The following GPC6 variants were observed in gnomAD, a reference collection of about 807,000 sequenced individuals.
GPC6 encodes the protein glypican-6.
In GPC6, 14 loss-of-function variants were observed where a neutral mutation model predicts 55.2. The observed-to-expected ratio is 0.25, with a 90% confidence interval of 0.17 to 0.40. The LOEUF (loss-of-function observed/expected upper bound fraction) is 0.40, where lower values mean the gene tolerates loss of function less well. Ranked by LOEUF, GPC6 falls within the 10% of genes least tolerant of loss-of-function variation. The pLI, the probability that GPC6 is intolerant of heterozygous loss-of-function variation, is 1.00. For missense variants in GPC6, 641 were observed against 708.5 expected, an observed-to-expected ratio of 0.90 and a Z score of 1.08; for synonymous variants, 278 against 259.6, an observed-to-expected ratio of 1.07 and a Z score of -0.68.
At chr13:94,278,794 T>C (rs992388250) in intron 4 of GPC6, among the ~76,000 whole-genome samples, 9 of 152,204 alleles carry the variant, frequency 5.9e-5, no homozygotes, top group African/African-American at 1.9e-4. Flanking sequence ...GCTGACTTGA[T>C]TGTGGTGGAT....
At chr13:93,712,370 G>A (rs1883098863) in intron 2 of GPC6, among the ~76,000 whole-genome samples, 1 of 151,648 alleles carries the variant, frequency 6.6e-6, no homozygotes, top group South Asian at 2.1e-4. Flanking sequence ...AATAGACCAA[G>A]TTAATGAAAT....
chr13:93,438,493 T>A (rs2139284724), intron 1 of GPC6, among the ~76,000 whole-genome samples: 1 of 152,224 alleles, frequency 6.6e-6, no homozygotes, highest in African/African-American at 2.4e-5. Context: ...CATGGATGAC[T>A]TAGGCGTTCA....
At chr13:93,445,918 G>A (rs1877979886) in intron 1 of GPC6, among the ~76,000 whole-genome samples, 1 of 152,158 alleles carries the variant, frequency 6.6e-6, no homozygotes, top group African/African-American at 2.4e-5. Context: ...AATTTCCACT[G>A]GGCTTTGAGA....
At chr13:93,409,918 G>C (rs1876433598) in intron 1 of GPC6, among the ~76,000 whole-genome samples, 1 of 152,174 alleles carries the variant, frequency 6.6e-6, no homozygotes, top group Non-Finnish European at 1.5e-5. Context: ...TCATTTCCAA[G>C]ACCTAGCCTA....
chr13:94,207,571 T>C (rs965300015), intron 4 of GPC6, among the ~76,000 whole-genome samples: 15 of 152,314 alleles, frequency 9.8e-5, no homozygotes, highest in Admixed American at 5.9e-4. Context: ...GCAATAGATA[T>C]CATCTCCAAA....
At chr13:93,286,768 C>A (rs904911934) in intron 1 of GPC6, among the ~76,000 whole-genome samples, 1 of 152,076 alleles carries the variant, frequency 6.6e-6, no homozygotes, top group Non-Finnish European at 1.5e-5. Context: ...TAGGGAGTGG[C>A]GGTGAAAGTG....
intron 2 of GPC6, among the ~76,000 whole-genome samples, chr13:93,757,117 A>G (rs77819723): frequency 9.2e-5 from 14 of 152,112 alleles, no homozygotes; most frequent in Non-Finnish European, 1.9e-4. Flanking sequence ...AATTCCCCAC[A>G]TGGAAATTAA....
chr13:94,081,524 C>T (rs769376582), intron 4 of GPC6, among the ~76,000 whole-genome samples: 1 of 152,048 alleles, frequency 6.6e-6, no homozygotes, highest in Non-Finnish European at 1.5e-5. Context: ...AAGAAATGGA[C>T]ACAGGAGAGA....
chr13:94,379,325 C>T lies in GPC6; in HGVS notation c.1153-3089C>T, dbSNP rs573393764. 2.8e-4 allele frequency among the ~76,000 whole-genome samples: 42 copies of T among 152,256 alleles called. 1 individual carries two copies. The South Asian group carries it at 7.0e-3, about 26-fold the overall frequency. On this transcript the variant is annotated intron_variant, in intron 6 of 8. Coordinates refer to ENST00000377047, the MANE Select transcript of GPC6 (RefSeq NM_005708.5). ...CTGCAGGTGAATTGGCCAGTGTTTCCGTGCAGAATGTTAAAACGGCATCTA... is the reference window on the plus strand; with the variant it reads ...CTGCAGGTGAATTGGCCAGTGTTTCTGTGCAGAATGTTAAAACGGCATCTA...
chr13:93,859,649 A>C lies in GPC6; in HGVS notation c.711+29104A>C, dbSNP rs189072663. Among the ~76,000 whole-genome samples the C allele has an allele frequency of 4.0e-5, 6 of 151,472 alleles. 1 individual carries two copies. The East Asian group carries it at 1.2e-3, about 30-fold the overall frequency. ...CGCATCAGTAGTTTTCCCTTTGTAC[A>C]TATCTTTTTTGGGGAGAGCGGGGAG... On this transcript the variant is annotated intron_variant, in intron 3 of 8. Transcript: ENST00000377047.
At chr13:93,803,985 T>G (rs1356416697) in intron 2 of GPC6, among the ~76,000 whole-genome samples, 1 of 152,134 alleles carries the variant, frequency 6.6e-6, no homozygotes, top group East Asian at 1.9e-4. Context: ...TAAAATTGAT[T>G]GTTGTGATGG....
chr13:93,767,215 A>G (rs1885153579), intron 2 of GPC6, among the ~76,000 whole-genome samples: 1 of 152,162 alleles, frequency 6.6e-6, no homozygotes, highest in South Asian at 2.1e-4. Flanking sequence ...TGCTTATCAG[A>G]ACAGAAGCAG....
chr13:93,626,383 A>G (rs1305747116), intron 2 of GPC6, among the ~76,000 whole-genome samples: 1 of 152,158 alleles, frequency 6.6e-6, no homozygotes, highest in Non-Finnish European at 1.5e-5. Flanking sequence ...CTCTCCCTCA[A>G]ACATCTTCCA....
At chr13:93,547,500 C>T (rs986723490) in intron 2 of GPC6, among the ~76,000 whole-genome samples, 4 of 152,196 alleles carry the variant, frequency 2.6e-5, no homozygotes, top group African/African-American at 9.6e-5. Flanking sequence ...TCCACTCTCT[C>T]ACTTACTCCC....
intron 4 of GPC6, among the ~76,000 whole-genome samples, chr13:94,280,564 A>T (rs967289222): frequency 1.3e-5 from 2 of 152,218 alleles, no homozygotes; most frequent in South Asian, 4.1e-4. Context: ...CATTCATGCC[A>T]TGGGCATTAA....
At chr13:93,246,115 C>G (rs994144893) in intron 1 of GPC6, among the ~76,000 whole-genome samples, 2 of 152,156 alleles carry the variant, frequency 1.3e-5, no homozygotes, top group African/African-American at 4.8e-5. Flanking sequence ...AGCTGTTTTT[C>G]CTATCCTAGC....
rs1156583994 is a variant in GPC6, at chr13:94,306,096, T to C, written c.1125T>C (p.Thr375=). 1 of 1,614,208 alleles carries C rather than the reference T, an allele frequency of 6.2e-7. No homozygotes were observed. Among genetic ancestry groups the C allele is most frequent in the Non-Finnish European group, 8.5e-7 (1 of 1,180,022 alleles). The change falls in exon 6 of 9, where the codon ACT becomes ACC. Residue 375 remains threonine (T), a synonymous_variant. Coordinates refer to ENST00000377047, the MANE Select transcript of GPC6 (RefSeq NM_005708.5). Reference sequence around the variant, plus strand: ...ACAATCCTGAGGAAAGACCAACAACTGCTGCAGGCACAAGCTTGGACCGGC... The same window carrying C: ...ACAATCCTGAGGAAAGACCAACAACCGCTGCAGGCACAAGCTTGGACCGGC... ...RPYNPEERPT[T]AAGTSLDRLV...
At chr13:93,816,257 A>G (rs1198477523) in intron 2 of GPC6, among the ~76,000 whole-genome samples, 1 of 152,166 alleles carries the variant, frequency 6.6e-6, no homozygotes, top group Non-Finnish European at 1.5e-5. Context: ...TCTATATTTT[A>G]AAAAGCATTC....
chr13:93,945,130 C>A (rs1878941778), intron 3 of GPC6, among the ~76,000 whole-genome samples: 2 of 152,006 alleles, frequency 1.3e-5, no homozygotes, highest in Admixed American at 6.6e-5. Context: ...GTTTAGCAAC[C>A]AACCCTTTGA....
Sources: gnomAD v4.1 joint callset for allele counts (sites outside exome capture counted in the v4.1 genomes callset) on GRCh38, gnomAD v4.1.1 for gene constraint, MANE v1.5 for transcripts, NCBI Gene and HGNC (gene_info 2026-07-23, HGNC 2026-07-21) for gene names.